CACNA1S: variants seen among roughly 807,000 people sequenced by gnomAD.
CACNA1S encodes calcium voltage-gated channel subunit alpha1 S, also known as voltage-dependent L-type calcium channel subunit alpha-1S.
CACNA1S carries 126 observed loss-of-function variants against 207.4 expected under a neutral mutation model. The observed-to-expected ratio is 0.61, with a 90% CI of 0.53 to 0.70. The LOEUF is 0.70. Among genes scored for constraint, CACNA1S ranks in the 30% least tolerant of loss-of-function variants. The pLI is 0.00. For missense variants in CACNA1S, 2,349 were observed against 2,422.8 expected (o/e 0.97, Z 0.64); for synonymous variants, 960 against 932.7 (o/e 1.03, Z -0.53).
chr1:201,041,945 C>T, intron 40 of CACNA1S: 1 of 378,448 alleles, frequency 2.6e-6, no homozygotes, highest in Non-Finnish European at 5.1e-6. Context: ...TGAGTGGTGG[C>T]TGAGTCCCAC....
Position 201,055,902 on chromosome 1 carries a change from A to G in CACNA1S, c.3610-1341T>C, listed in dbSNP as rs1391196647. Among the ~76,000 whole-genome samples, 3 of 152,158 alleles carry G rather than the reference A, an allele frequency of 2.0e-5. No homozygotes were observed. The East Asian group carries it at 5.8e-4, about 29-fold the overall frequency. On this transcript the variant is annotated intron_variant, in intron 28 of 43. Coordinates refer to ENST00000362061, the MANE Select transcript of CACNA1S (RefSeq NM_000069.3). The stretch of plus-strand genomic sequence containing the variant: ...AGACCTCAGATTTTAAGAAGTAACT[A>G]TTTTTAGTTTGGGCTGTTTATTTTG...
chr1:201,044,676 A>G (rs1335279737), intron 38 of CACNA1S, among the ~76,000 whole-genome samples: 2 of 151,964 alleles, frequency 1.3e-5, no homozygotes, highest in Admixed American at 6.5e-5. Flanking sequence ...ACTCCCTGCT[A>G]ATGCTTGTAT....
chr1:201,041,787 C>T, intron 40 of CACNA1S, 198 bp from the exon 41 acceptor site: 1 of 652,312 alleles, frequency 1.5e-6, no homozygotes, highest in East Asian at 2.7e-5. Context: ...GAGTCCAGAG[C>T]ATTCCTGACT....
intron 22 of CACNA1S, among the ~76,000 whole-genome samples, chr1:201,064,592 G>A (rs16847613): frequency 0.16 from 23,628 of 152,202 alleles, 2,413 homozygotes; most frequent in East Asian, 0.29. Flanking sequence ...AGACTGACTG[G>A]GGTTATGTAA....
chr1:201,102,092 G>A (rs1442948194), intron 2 of CACNA1S, among the ~76,000 whole-genome samples: 2 of 152,150 alleles, frequency 1.3e-5, no homozygotes, highest in Non-Finnish European at 1.5e-5. Flanking sequence ...TTGTGCCTCC[G>A]AGCCCAGTGG....
rs1553247334 is a variant in CACNA1S, at chr1:201,040,036, A to G, written c.5417T>C (p.Phe1806Ser). ...GLGTLAADAN[F>S]IMATGQALAD... is the part of the protein sequence containing the mutation. ...CAGGGCCTGGCCTGTTGCCATGATGAAGTTTGCATCAGCTGCCAAGGTGCC... is the reference window on the plus strand; with the variant it reads ...CAGGGCCTGGCCTGTTGCCATGATGGAGTTTGCATCAGCTGCCAAGGTGCC... Residue 1806 changes from phenylalanine to serine, a missense_variant, in exon 44 of 44, where the codon TTC (phenylalanine) becomes TCC (serine). Transcript: ENST00000362061. 5.0e-6 allele frequency: 8 copies of G among 1,614,204 alleles called. No individual in the cohort carries two copies. Among genetic ancestry groups the G allele is most frequent in the Non-Finnish European group, 5.9e-6 (7 of 1,180,004 alleles).
chr1:201,109,861 C>A (rs1303391664), intron 2 of CACNA1S, among the ~76,000 whole-genome samples: 1 of 152,186 alleles, frequency 6.6e-6, no homozygotes, highest in African/African-American at 2.4e-5. Flanking sequence ...CAAATGGAAC[C>A]ACTTTATGAG....
chr1:201,043,278 T>C lies in CACNA1S; in HGVS notation c.5048+3A>G. On this transcript the variant is annotated splice_donor_region_variant and intron_variant, in intron 40 of 43. Transcript: ENST00000362061. ...ACCCAGGGATGGCAGTGGCCGCCAC[T>C]ACCTGGAAAACACATGGCTGTTGCT... 2 of 1,614,180 alleles carry C rather than the reference T, an allele frequency of 1.2e-6. No homozygotes were observed. Among genetic ancestry groups the C allele is most frequent in the South Asian group, 2.2e-5 (2 of 91,068 alleles).
At chr1:201,082,465 A>G (rs1354192554) in intron 10 of CACNA1S, among the ~76,000 whole-genome samples, 1 of 152,116 alleles carries the variant, frequency 6.6e-6, no homozygotes, top group Non-Finnish European at 1.5e-5. Context: ...ACGTCTTCAT[A>G]TCTTTGCACA....
intron 2 of CACNA1S, among the ~76,000 whole-genome samples, chr1:201,106,159 C>T (rs1422467155): frequency 1.3e-5 from 2 of 151,620 alleles, no homozygotes; most frequent in Non-Finnish European, 2.9e-5. Flanking sequence ...CCCTCCCCCA[C>T]ACCTCCATCC....
chr1:201,109,889 A>G (rs1381885576), intron 2 of CACNA1S, among the ~76,000 whole-genome samples: 1 of 152,210 alleles, frequency 6.6e-6, no homozygotes, highest in Non-Finnish European at 1.5e-5. Context: ...TGAGGATTAA[A>G]TGAATTTACT....
intron 36 of CACNA1S, among the ~76,000 whole-genome samples, chr1:201,048,024 A>G (rs906880458): frequency 6.6e-6 from 1 of 152,200 alleles, no homozygotes; most frequent in Non-Finnish European, 1.5e-5. Flanking sequence ...CTGCTAATGA[A>G]GCTCACCCTG....
Position 201,112,381 on chromosome 1 carries a change from A to C in CACNA1S, c.-42T>G. The C allele has an allele frequency of 1.2e-6, 2 of 1,613,006 alleles. No individual in the cohort carries two copies. The highest frequency in any genetic ancestry group is 1.7e-6 in the Non-Finnish European group (2 of 1,179,866). ...TGGCTTTCTCCTGCTCCCCCACCCCAGTGCTTTCCCTTCCCTGTGTCCCCA... is the reference window on the plus strand; with the variant it reads ...TGGCTTTCTCCTGCTCCCCCACCCCCGTGCTTTCCCTTCCCTGTGTCCCCA... On this transcript the variant is annotated 5_prime_UTR_variant, in exon 1 of 44. Coordinates refer to ENST00000362061, the MANE Select transcript of CACNA1S (RefSeq NM_000069.3).
At position 201,050,969 on chromosome 1, in the gene CACNA1S, C is replaced by T. The variant is rs750385092; in HGVS notation, c.4113+15G>A. 1.2e-6 allele frequency: 2 copies of T among 1,613,822 alleles called. No homozygotes were observed. Among genetic ancestry groups the T allele is most frequent in the Non-Finnish European group, 1.7e-6 (2 of 1,179,860 alleles). Reference sequence around the variant, plus strand: ...CAAAGCCCTCTCCCTGCCCCGCAGGCCCTCAGCATCTCACCAGGAAGGCAC... The same window carrying T: ...CAAAGCCCTCTCCCTGCCCCGCAGGTCCTCAGCATCTCACCAGGAAGGCAC... On this transcript the variant is annotated intron_variant, in intron 33 of 43. Transcript: ENST00000362061.
At chr1:201,047,267 T>C in intron 37 of CACNA1S, 28 bp from the exon 38 acceptor site, 1 of 1,614,088 alleles carries the variant, frequency 6.2e-7, no homozygotes, top group African/African-American at 1.3e-5. Context: ...AGAGATGCCC[T>C]GAAGGCTAGT....
chr1:201,107,952 A>G, intron 2 of CACNA1S, among the ~76,000 whole-genome samples: 1 of 152,054 alleles, frequency 6.6e-6, no homozygotes, highest in East Asian at 1.9e-4. Flanking sequence ...CTTGCAGGGA[A>G]CTCATAATAC....
chr1:201,086,781 T>C (rs530122272), intron 7 of CACNA1S, among the ~76,000 whole-genome samples: 1 of 152,364 alleles, frequency 6.6e-6, no homozygotes, highest in Admixed American at 6.5e-5. Context: ...GCAGGTTTTA[T>C]ATCTATCATA....
chr1:201,105,205 C>T (rs1199031341), intron 2 of CACNA1S, among the ~76,000 whole-genome samples: 1 of 152,116 alleles, frequency 6.6e-6, no homozygotes, highest in Non-Finnish European at 1.5e-5. Context: ...CTGAAATAAT[C>T]CTTTGGCATA....
chr1:201,056,410 C>A (rs1424724465), intron 28 of CACNA1S, among the ~76,000 whole-genome samples: 1 of 152,218 alleles, frequency 6.6e-6, no homozygotes, highest in Non-Finnish European at 1.5e-5. Flanking sequence ...CCCAACTCAC[C>A]CTAAGGTTCA....
Sources: allele counts gnomAD v4.1 joint callset (sites outside exome capture counted in the v4.1 genomes callset), GRCh38; gene constraint gnomAD v4.1.1; transcripts MANE v1.5; gene names NCBI Gene and HGNC (gene_info 2026-07-23, HGNC 2026-07-21).